The following SMG9 variants were observed in gnomAD, a reference collection of about 807,000 sequenced individuals.
SMG9 encodes nonsense-mediated mRNA decay factor SMG9.
Under a neutral mutation model 64.0 loss-of-function variants are expected in SMG9, and 55 were observed. The observed-to-expected ratio is 0.86, with a 90% CI of 0.69 to 1.08. The LOEUF is 1.08. Among genes scored for constraint, SMG9 ranks in the 50% least tolerant of loss-of-function variants. SMG9 has a pLI of 0.00. For synonymous variants in SMG9, 244 were observed against 254.8 expected, an observed-to-expected ratio of 0.96 and a Z score of 0.41; for missense variants, 554 against 681.3, an observed-to-expected ratio of 0.81 and a Z score of 2.08.
In SMG9 at chr19:43,729,406, G is replaced by A. The variant is rs1187877370; in HGVS notation, c.*2190C>T. ...GGCAACACTGACCACAAGATCACAGGTGAATCCAATCAACAATCTCAGCCC... is the reference window on the plus strand; with the variant it reads ...GGCAACACTGACCACAAGATCACAGATGAATCCAATCAACAATCTCAGCCC... On this transcript the variant is annotated 3_prime_UTR_variant, in exon 14 of 14. Coordinates refer to ENST00000270066, the MANE Select transcript of SMG9 (RefSeq NM_019108.4). The A allele has an allele frequency of 6.6e-6, 1 of 152,318 alleles. No individual in the cohort carries two copies. Among genetic ancestry groups the A allele is most frequent in the Non-Finnish European group, 1.5e-5 (1 of 68,140 alleles). 9.4% of individuals were successfully genotyped at this position (152,318 alleles called of 1,614,324 possible).
In SMG9 at chr19:43,734,717, AT is replaced by A. The variant is rs879702681; in HGVS notation, c.996-223del. ...TGTATAAATTCTTTGAGTTTACTGT[AT>A]TTTTTTTTTAAAGGCTATTTTTTAG... On this transcript the variant is annotated intron_variant, in intron 9 of 13. Transcript: ENST00000270066. 2,894 of 395,842 alleles carry A rather than the reference AT, an allele frequency of 7.3e-3. 10 individuals carry two copies. Among genetic ancestry groups the A allele is most frequent in the Admixed American group, 0.03 (726 of 24,232 alleles). The allele number at this position is 395,842 out of a possible 1,614,324, so 24.5% of individuals were successfully genotyped here. A position where few individuals can be genotyped will look rare whatever the true frequency, so the allele number is the denominator to read the frequency against.
rs1417080323 is a variant in SMG9 at position 43,729,918 on chromosome 19, T to G, written c.*1678A>C. 2 of 152,346 alleles carry G rather than the reference T, an allele frequency of 1.3e-5. No homozygotes were observed. Among genetic ancestry groups the G allele is most frequent in the Non-Finnish European group, 2.9e-5 (2 of 68,162 alleles). The allele number at this position is 152,346 out of a possible 1,614,324, so 9.4% of individuals were successfully genotyped here. ...TTGCCTACTACAGTCGGTCAGGAAG[T>G]GGCTGTGCCAGAGCCTGTGCTGGGC... On this transcript the variant is annotated 3_prime_UTR_variant, in exon 14 of 14. Coordinates refer to ENST00000270066, the MANE Select transcript of SMG9 (RefSeq NM_019108.4).
chr19:43,749,057 A>T (rs561322090), intron 2 of SMG9, among the ~76,000 whole-genome samples: 1 of 152,296 alleles, frequency 6.6e-6, no homozygotes, highest in South Asian at 2.1e-4. Context: ...GAGCACCCCA[A>T]ATCCATTTGC....
chr19:43,737,508 G>T, intron 9 of SMG9, 89 bp downstream of exon 9: 1 of 1,147,326 alleles, frequency 8.7e-7, no homozygotes, highest in Non-Finnish European at 1.2e-6. Context: ...CCCTCTGGCT[G>T]CTGTCCCTTG....
chr19:43,730,363 T>C lies in SMG9; in HGVS notation c.*1233A>G, dbSNP rs17560331. On this transcript the variant is annotated 3_prime_UTR_variant, in exon 14 of 14. Transcript: ENST00000270066. ...TACTGTACCAAATCGCAGAGTGGATTTAACTGAGGGTAGGTTCTGGATTTA... is the reference window on the plus strand; with the variant it reads ...TACTGTACCAAATCGCAGAGTGGATCTAACTGAGGGTAGGTTCTGGATTTA... 6,814 of 152,302 alleles carry C rather than the reference T, an allele frequency of 0.045. 235 individuals are homozygous for C. Among genetic ancestry groups the C allele is most frequent in the Middle Eastern group, 0.13 (37 of 294 alleles). 9.4% of individuals were successfully genotyped at this position (152,302 alleles called of 1,614,324 possible). A position where few individuals can be genotyped will look rare whatever the true frequency, so the allele number is the denominator to read the frequency against.
intron 2 of SMG9, among the ~76,000 whole-genome samples, chr19:43,748,456 T>A (rs755861388): frequency 1.3e-5 from 2 of 152,194 alleles, no homozygotes; most frequent in Non-Finnish European, 2.9e-5. Flanking sequence ...TTCCCATCTG[T>A]GAGTGGGTAT....
At chr19:43,752,505 G>C (rs1195546496) in intron 1 of SMG9, among the ~76,000 whole-genome samples, 2 of 152,224 alleles carry the variant, frequency 1.3e-5, no homozygotes, top group Admixed American at 6.5e-5. Context: ...CATCAATTTA[G>C]AAACTGTCTG....
Position 43,740,150 on chromosome 19 carries a change from T to A in SMG9, c.770A>T (p.Asp257Val). ...ERGGNQTSGI[D>V]FFITQERIVF... ...AATCCGTTCTTGGGTAATAAAGAAG[T>A]CGATGCCACTGGTCTGGTTGCCCCC... The change falls in exon 7 of 14, where the codon GAC becomes GTC. Residue 257 changes from aspartate (D) to valine (V), a missense_variant. By Grantham distance (152) the Asp-to-Val change is radical (BLOSUM62 -3). Transcript: ENST00000270066. The A allele has an allele frequency of 6.2e-7, 1 of 1,614,046 alleles. No homozygotes were observed.
chr19:43,740,316 T>G, intron 6 of SMG9, 98 bp from the exon 7 acceptor site: 4 of 827,866 alleles, frequency 4.8e-6, no homozygotes, highest in East Asian at 5.2e-5. Flanking sequence ...TGAGCCGTGG[T>G]GCCCTGCCTG....
At chr19:43,747,954 C>A in intron 3 of SMG9, 24 bp downstream of exon 3, 1 of 1,614,176 alleles carries the variant, frequency 6.2e-7, no homozygotes. Flanking sequence ...AACGGCTCCC[C>A]CTCCTCCCTC....
rs772226338 is a variant in SMG9, at chr19:43,747,669, G to A, written c.454C>T (p.Arg152Trp). Residue 152 changes from arginine to tryptophan, a missense_variant, in exon 4 of 14, where the codon CGG (arginine) becomes TGG (tryptophan). Physicochemically the swap from Arg to Trp is moderately radical, Grantham distance 101 (BLOSUM62 -3). Transcript: ENST00000270066. ...GCTGGTGCGGCAGTGCCCATGCCCC[G>A]GTTCTGGATCTGGTACACAGGCTGT... ...PTQPVYQIQN[R>W]GMGTAAPAAM... 80 of 1,612,420 alleles carry A rather than the reference G, an allele frequency of 5.0e-5. No homozygotes were observed. Among genetic ancestry groups the A allele is most frequent in the Non-Finnish European group, 6.5e-5 (77 of 1,179,344 alleles).
In SMG9 at chr19:43,731,529, A is replaced by C; in HGVS notation, c.*67T>G. Reference sequence around the variant, plus strand: ...CTCTCCACCCCAGCGGGGGATGGACATCTGTGCTCCCTCGCAGTACACTGC... The same window carrying C: ...CTCTCCACCCCAGCGGGGGATGGACCTCTGTGCTCCCTCGCAGTACACTGC... On this transcript the variant is annotated 3_prime_UTR_variant, in exon 14 of 14. Coordinates refer to ENST00000270066, the MANE Select transcript of SMG9 (RefSeq NM_019108.4). The C allele has an allele frequency of 6.2e-7, 1 of 1,603,046 alleles. No homozygotes were observed. The highest frequency in any genetic ancestry group is 8.5e-7 in the Non-Finnish European group (1 of 1,172,924).
At chr19:43,748,323 A>T (rs573866398) in intron 2 of SMG9, among the ~76,000 whole-genome samples, 1 of 152,354 alleles carries the variant, frequency 6.6e-6, no homozygotes, top group African/African-American at 2.4e-5. Context: ...CTGCGAGGCA[A>T]CAAGCCCAGG....
At chr19:43,735,614 CAAAAAAA>C (rs889721095) in intron 9 of SMG9, among the ~76,000 whole-genome samples, 3 of 51,530 alleles carry the variant, frequency 5.8e-5, no homozygotes, top group Non-Finnish European at 3.7e-5. Flanking sequence ...GACTCTGTCT[CAAAAAAA>C]AAAAAAAAAA....
rs375525307 is a variant in SMG9 at position 43,744,896 on chromosome 19, T to C, written c.589-12A>G. 5.0e-6 allele frequency: 8 copies of C among 1,602,294 alleles called. No homozygotes were observed. Among genetic ancestry groups the C allele is most frequent in the South Asian group, 1.1e-5 (1 of 90,592 alleles). On this transcript the variant is annotated splice_polypyrimidine_tract_variant and intron_variant, in intron 5 of 13. Transcript: ENST00000270066. ...TGATCCAACAGGTACTGTGGGAAAA[T>C]ACATAAATGACTCTGACAAGTCTGT...
At chr19:43,750,771 C>T in intron 1 of SMG9, 24 bp from the exon 2 acceptor site, 2 of 1,587,316 alleles carry the variant, frequency 1.3e-6, no homozygotes, top group Non-Finnish European at 1.7e-6. Context: ...GAGGGGATTT[C>T]AGGATGACAG....
intron 6 of SMG9, among the ~76,000 whole-genome samples, chr19:43,742,989 C>T (rs754853196): frequency 6.6e-6 from 1 of 151,798 alleles, no homozygotes; most frequent in Admixed American, 6.6e-5. Flanking sequence ...GCACAAGAAT[C>T]GGTTGAACCC....
chr19:43,733,608 T>G lies in SMG9; in HGVS notation c.1210+18A>C, dbSNP rs1600190407. The G allele has an allele frequency of 6.2e-7, 1 of 1,611,538 alleles. No homozygotes were observed. The highest frequency in any genetic ancestry group is 8.5e-7 in the Non-Finnish European group (1 of 1,178,632). ...TTAGGAGGCTGACTAGCTTGGGGGG[T>G]GATGTGGGAACCCTTACCCTTGTAA... On this transcript the variant is annotated intron_variant, in intron 11 of 13. Transcript: ENST00000270066.
intron 7 of SMG9, among the ~76,000 whole-genome samples, chr19:43,739,518 G>A (rs372555590): frequency 2.6e-5 from 4 of 152,286 alleles, no homozygotes; most frequent in South Asian, 2.1e-4. Context: ...CTCCAGAGGC[G>A]AGGATAGGCA....
Sources: gnomAD v4.1 joint callset for allele counts (sites outside exome capture counted in the v4.1 genomes callset) on GRCh38, gnomAD v4.1.1 for gene constraint, MANE v1.5 for transcripts, NCBI Gene and HGNC (gene_info 2026-07-23, HGNC 2026-07-21) for gene names.